The following GALNT1 variants were observed in gnomAD, a reference collection of about 807,000 sequenced individuals.
GALNT1 encodes the protein polypeptide N-acetylgalactosaminyltransferase 1, also known as GalNAc transferase 1.
In GALNT1, 17 loss-of-function variants were observed where a neutral mutation model predicts 65.7. The observed-to-expected ratio is 0.26, with a 90% confidence interval of 0.18 to 0.39. The LOEUF is 0.39. GALNT1 is among the 10% of genes least tolerant of loss of function. The pLI, the probability that GALNT1 is intolerant of heterozygous loss-of-function variation, is 1.00. For missense variants in GALNT1, 460 were observed against 672.8 expected (o/e 0.68, Z 3.50); for synonymous variants, 210 against 219.7 (o/e 0.96, Z 0.39).
upstream of GALNT1, chr18:35,581,409 C>T (rs1379786439): frequency 1.3e-5 from 2 of 148,254 alleles, no homozygotes; most frequent in South Asian, 4.0e-4. Flanking sequence ...GTGGGCTCGC[C>T]GCAGCGGAGG....
In GALNT1 at chr18:35,587,608, A is replaced by AT. The variant is rs768827104; in HGVS notation, c.-104+5751dup. ...GTTCATCAGTTGATCTGATCATGTG[A>AT]TTTTTCTTCTTTAGCCTGTCAATAT... On this transcript the variant is annotated intron_variant, in intron 1 of 11. Coordinates refer to ENST00000269195, the MANE Select transcript of GALNT1 (RefSeq NM_020474.4). Among the ~76,000 whole-genome samples, 103 of 151,868 alleles carry AT rather than the reference A, an allele frequency of 6.8e-4. 2 individuals carry two copies. Among genetic ancestry groups the AT allele is most frequent in the Non-Finnish European group, 5.4e-4 (37 of 67,954 alleles).
chr18:35,709,807 G>T lies in GALNT1; in HGVS notation c.*37G>T. The T allele has an allele frequency of 1.2e-6, 2 of 1,610,516 alleles. No individual in the cohort carries two copies. Among genetic ancestry groups the T allele is most frequent in the South Asian group, 2.2e-5 (2 of 90,740 alleles). On this transcript the variant is annotated 3_prime_UTR_variant, in exon 12 of 12. Coordinates refer to ENST00000269195, the MANE Select transcript of GALNT1 (RefSeq NM_020474.4). ...CAAAAAAACGAAAAAAATAAGGATT[G>T]ACTGGGCTACCTCAGCATACATTTC...
intron 1 of GALNT1, among the ~76,000 whole-genome samples, chr18:35,625,995 T>A (rs1823844817): frequency 6.6e-6 from 1 of 152,172 alleles, no homozygotes; most frequent in African/African-American, 2.4e-5. Flanking sequence ...TTAATTCTTC[T>A]GTTTGCTGTT....
intron 1 of GALNT1, among the ~76,000 whole-genome samples, chr18:35,587,128 T>C (rs895618632): frequency 2.6e-5 from 4 of 152,116 alleles, no homozygotes; most frequent in Admixed American, 6.5e-5. Context: ...ATTGTAACGG[T>C]ATTTTTAATT....
At position 35,591,539 on chromosome 18, in the gene GALNT1, AAT is replaced by A. The variant is rs142120850; in HGVS notation, c.-104+9678_-104+9679del. Among the ~76,000 whole-genome samples, 52 of 152,314 alleles carry A rather than the reference AAT, an allele frequency of 3.4e-4. 3 individuals are homozygous for A. The East Asian group carries it at 8.7e-3, about 25-fold the overall frequency. Reference sequence around the variant, plus strand: ...AACCTGTCCCCATGGCTGTGCATTTAATGTGTCAGTCTGGCTCCACAGATTAT... The same window carrying A: ...AACCTGTCCCCATGGCTGTGCATTTAGTGTCAGTCTGGCTCCACAGATTAT... On this transcript the variant is annotated intron_variant, in intron 1 of 11. Coordinates refer to ENST00000269195, the MANE Select transcript of GALNT1 (RefSeq NM_020474.4).
At chr18:35,617,399 A>C (rs888543886) in intron 1 of GALNT1, among the ~76,000 whole-genome samples, 15 of 152,220 alleles carry the variant, frequency 9.9e-5, no homozygotes, top group African/African-American at 3.1e-4. Context: ...TAAGATGTTA[A>C]ATCCTAATTT....
intron 1 of GALNT1, among the ~76,000 whole-genome samples, chr18:35,606,108 C>T (rs1466676001): frequency 1.3e-5 from 2 of 152,152 alleles, no homozygotes; most frequent in African/African-American, 4.8e-5. Context: ...GCCTCACCCT[C>T]CCTCTGGAAC....
At chr18:35,685,433 C>T (rs909760727) in intron 5 of GALNT1, among the ~76,000 whole-genome samples, 7 of 149,708 alleles carry the variant, frequency 4.7e-5, no homozygotes, top group Non-Finnish European at 8.9e-5. Flanking sequence ...TTAGAAAATA[C>T]TTAGCAAACT....
At chr18:35,591,316 G>A (rs972177373) in intron 1 of GALNT1, among the ~76,000 whole-genome samples, 2 of 152,190 alleles carry the variant, frequency 1.3e-5, no homozygotes, top group Non-Finnish European at 2.9e-5. Context: ...TGTGGTAATA[G>A]TAAGTTGGTT....
chr18:35,586,918 A>C (rs2046384304), intron 1 of GALNT1, among the ~76,000 whole-genome samples: 1 of 152,144 alleles, frequency 6.6e-6, no homozygotes, highest in Non-Finnish European at 1.5e-5. Flanking sequence ...ATCAGTATGG[A>C]GAAGATCGAC....
At position 35,599,871 on chromosome 18, in the gene GALNT1, T is replaced by C. The variant is rs575657122; in HGVS notation, c.-104+18009T>C. On this transcript the variant is annotated intron_variant, in intron 1 of 11. Coordinates refer to ENST00000269195, the MANE Select transcript of GALNT1 (RefSeq NM_020474.4). The stretch of plus-strand genomic sequence containing the variant: ...ATTTCTATCTGGGTTCTGTATTCTG[T>C]TCCATTGATCTTTGTGTCTGTTTTT... Among the ~76,000 whole-genome samples, 44 of 152,356 alleles carry C rather than the reference T, an allele frequency of 2.9e-4. No homozygotes were observed. In the South Asian group the frequency reaches 4.4e-3, roughly 15 times the overall value.
At chr18:35,592,514 G>A (rs1232632782) in intron 1 of GALNT1, among the ~76,000 whole-genome samples, 1 of 152,152 alleles carries the variant, frequency 6.6e-6, no homozygotes, top group Non-Finnish European at 1.5e-5. Context: ...ATTGGTGCAA[G>A]GGATGGGGGT....
At chr18:35,612,453 C>T (rs183917861) in intron 1 of GALNT1, among the ~76,000 whole-genome samples, 128 of 152,292 alleles carry the variant, frequency 8.4e-4, no homozygotes, top group Middle Eastern at 3.4e-3. Context: ...CTAAGCCTAT[C>T]GTGTTTATTT....
intron 1 of GALNT1, among the ~76,000 whole-genome samples, chr18:35,628,975 A>T (rs1206207950): frequency 1.3e-5 from 2 of 152,264 alleles, no homozygotes; most frequent in Non-Finnish European, 2.9e-5. Flanking sequence ...CAGTGATGGA[A>T]GATCAAATGA....
chr18:35,612,042 A>G (rs1270520013), intron 1 of GALNT1, among the ~76,000 whole-genome samples: 3 of 152,196 alleles, frequency 2.0e-5, no homozygotes, highest in African/African-American at 7.2e-5. Context: ...ATCATTTATT[A>G]TATGTAATTA....
At chr18:35,658,791 C>A (rs1297377639) in intron 2 of GALNT1, among the ~76,000 whole-genome samples, 2 of 151,540 alleles carry the variant, frequency 1.3e-5, no homozygotes, top group African/African-American at 4.9e-5. Flanking sequence ...CTCACTGCAA[C>A]CTCCGTCTCC....
intron 11 of GALNT1, among the ~76,000 whole-genome samples, chr18:35,707,795 G>A (rs555880501): frequency 5.0e-4 from 76 of 152,266 alleles, no homozygotes; most frequent in African/African-American, 1.8e-3. Context: ...TAAGCTTTGC[G>A]GGAACTCCCG....
rs182721702 is a variant in GALNT1, at chr18:35,637,017, T to G, written c.-103-17543T>G. ...TAATCATTTTGAGGTACCACAAACT[T>G]GTGCCCATACAAGACGGCAAGTTTA... On this transcript the variant is annotated intron_variant, in intron 1 of 11. Coordinates refer to ENST00000269195, the MANE Select transcript of GALNT1 (RefSeq NM_020474.4). Among the ~76,000 whole-genome samples the G allele has an allele frequency of 7.1e-3, 1,086 of 152,192 alleles. 13 individuals carry two copies. The highest frequency in any genetic ancestry group is 0.024 in the African/African-American group (1,008 of 41,508).
intron 9 of GALNT1, among the ~76,000 whole-genome samples, chr18:35,701,076 T>C (rs1227386057): frequency 6.6e-6 from 1 of 152,138 alleles, no homozygotes; most frequent in Non-Finnish European, 1.5e-5. Flanking sequence ...ATGAACTTTT[T>C]TTTTTTTCTT....
Sources: gnomAD v4.1 joint callset for allele counts (sites outside exome capture counted in the v4.1 genomes callset) on GRCh38, gnomAD v4.1.1 for gene constraint, MANE v1.5 for transcripts, NCBI Gene and HGNC (gene_info 2026-07-23, HGNC 2026-07-21) for gene names.